The following SEMA5A variants were observed in gnomAD, a reference collection of about 807,000 sequenced individuals.
SEMA5A encodes semaphorin-5A.
Under a neutral mutation model 135.5 loss-of-function variants are expected in SEMA5A, and 55 were observed. That is an observed-to-expected ratio of 0.41 (90% confidence interval 0.33 to 0.51). The LOEUF is 0.51. Ranked by LOEUF, SEMA5A falls within the 20% of genes least tolerant of loss-of-function variation. The probability of loss-of-function intolerance (pLI) is 0.37; values close to 1 mark genes in which losing one functional copy is unlikely to be tolerated. For missense variants in SEMA5A, 1,290 were observed against 1,419.9 expected (o/e 0.91, Z 1.47); for synonymous variants, 580 against 546.5 (o/e 1.06, Z -0.85).
In SEMA5A at chr5:9,439,667, C is replaced by T. The variant is rs112462067; in HGVS notation, c.-174-1815G>A. Among the ~76,000 whole-genome samples the T allele has an allele frequency of 6.3e-3, 963 of 152,288 alleles. 14 individuals are homozygous for T. The highest frequency in any genetic ancestry group is 0.021 in the African/African-American group (879 of 41,560). On this transcript the variant is annotated intron_variant, in intron 1 of 22. Coordinates refer to ENST00000382496, the MANE Select transcript of SEMA5A (RefSeq NM_003966.3). ...GAGACTGGGGCCAAAAAGATCATTGCAAGAATTCACAATCAGTAACACAAC... is the reference window on the plus strand; with the variant it reads ...GAGACTGGGGCCAAAAAGATCATTGTAAGAATTCACAATCAGTAACACAAC...
At chr5:9,274,341 G>C (rs1750143898) in intron 5 of SEMA5A, among the ~76,000 whole-genome samples, 3 of 152,206 alleles carry the variant, frequency 2.0e-5, no homozygotes, top group South Asian at 4.1e-4. Flanking sequence ...CATAAAGCAA[G>C]TTCTTAGAGA....
intron 1 of SEMA5A, chr5:9,522,906 A>T (rs910862310): frequency 3.3e-5 from 5 of 152,180 alleles, no homozygotes; most frequent in African/African-American, 1.2e-4. Flanking sequence ...GCTCTTCATA[A>T]TGTTATTAAA....
chr5:9,426,860 G>C (rs1757679966), intron 2 of SEMA5A, among the ~76,000 whole-genome samples: 2 of 152,142 alleles, frequency 1.3e-5, no homozygotes, highest in Non-Finnish European at 2.9e-5. Flanking sequence ...ATTATAATCA[G>C]AGAACTGAGT....
chr5:9,510,531 A>T (rs1009482281), intron 1 of SEMA5A, among the ~76,000 whole-genome samples: 1 of 152,190 alleles, frequency 6.6e-6, no homozygotes, highest in Non-Finnish European at 1.5e-5. Flanking sequence ...GATATTTTAC[A>T]TTGTACTTTT....
intron 3 of SEMA5A, 110 bp from the exon 4 acceptor site, chr5:9,337,922 G>A: frequency 5.5e-6 from 4 of 723,216 alleles, no homozygotes; most frequent in South Asian, 4.1e-5. Flanking sequence ...AGAGGATTCG[G>A]AGGTCCCTCT....
At chr5:9,220,557 CA>C (rs927020044) in intron 8 of SEMA5A, among the ~76,000 whole-genome samples, 23 of 151,716 alleles carry the variant, frequency 1.5e-4, no homozygotes, top group African/African-American at 5.3e-4. Context: ...AAAAAAACAA[CA>C]AAAAAAATTT....
intron 2 of SEMA5A, among the ~76,000 whole-genome samples, chr5:9,406,098 A>G (rs550707979): frequency 2.2e-4 from 33 of 152,342 alleles, no homozygotes; most frequent in Middle Eastern, 3.4e-3. Context: ...AATTTGTTAG[A>G]AGCAAAATAA....
At position 9,199,829 on chromosome 5, in the gene SEMA5A, T is replaced by C. The variant is rs1247044247; in HGVS notation, c.932+2126A>G. Among the ~76,000 whole-genome samples, 6 of 152,194 alleles carry C rather than the reference T, an allele frequency of 3.9e-5. No individual in the cohort carries two copies. In the East Asian group the frequency reaches 9.6e-4, roughly 24 times the overall value. Reference sequence around the variant, plus strand: ...CAAATCTTTAGAGACTCCATTGTAGTAGCACACCATTTTCTGCAGGCCAAC... The same window carrying C: ...CAAATCTTTAGAGACTCCATTGTAGCAGCACACCATTTTCTGCAGGCCAAC... On this transcript the variant is annotated intron_variant, in intron 9 of 22. Coordinates refer to ENST00000382496, the MANE Select transcript of SEMA5A (RefSeq NM_003966.3).
chr5:9,352,855 G>T (rs1433928189), intron 3 of SEMA5A, among the ~76,000 whole-genome samples: 1 of 152,016 alleles, frequency 6.6e-6, no homozygotes, highest in Admixed American at 6.6e-5. Context: ...TGCTACACTG[G>T]CAGAGTTGAG....
At chr5:9,102,998 CCT>C (rs1381710106) in intron 16 of SEMA5A, among the ~76,000 whole-genome samples, 5 of 152,086 alleles carry the variant, frequency 3.3e-5, no homozygotes, top group African/African-American at 1.2e-4. Flanking sequence ...ACAAAATATA[CCT>C]GTTTGGGGCT....
chr5:9,066,597 G>A lies in SEMA5A; in HGVS notation c.2123C>T (p.Thr708Met), dbSNP rs769656325. 3 of 1,614,162 alleles carry A rather than the reference G, an allele frequency of 1.9e-6. No homozygotes were observed. The highest frequency in any genetic ancestry group is 1.6e-4 in the Middle Eastern group (1 of 6,062). ...TNPCPELKKT[T>M]PWTPWTPVNI... ...GACAGGTGTCCAGGGTGTCCAGGGC[G>A]TGGTCTTCTTCAGCTCAGGACACGG... Residue 708 changes from threonine (T) to methionine (M), a missense_variant, in exon 17 of 23, where the codon ACG (threonine) becomes ATG (methionine). Physicochemically the swap from Thr to Met is moderately conservative, Grantham distance 81 (BLOSUM62 -1). Coordinates refer to ENST00000382496, the MANE Select transcript of SEMA5A (RefSeq NM_003966.3).
At position 9,471,663 on chromosome 5, in the gene SEMA5A, C is replaced by T. The variant is rs943892473; in HGVS notation, c.-174-33811G>A. Among the ~76,000 whole-genome samples, 3 of 152,164 alleles carry T rather than the reference C, an allele frequency of 2.0e-5. No individual in the cohort carries two copies. The East Asian group carries it at 5.8e-4, about 29-fold the overall frequency. On this transcript the variant is annotated intron_variant, in intron 1 of 22. Transcript: ENST00000382496. ...GTTTTTAAATATCCAAACTATGCAT[C>T]CTAAATAAGTTTATAAGTCAATGTT...
intron 17 of SEMA5A, among the ~76,000 whole-genome samples, chr5:9,066,166 G>GCTTT (rs1737451508): frequency 1.3e-5 from 2 of 152,126 alleles, no homozygotes; most frequent in African/African-American, 2.4e-5. Context: ...AAATGATTCT[G>GCTTT]GGTCTATAAT....
At chr5:9,522,882 C>T (rs956798240) in intron 1 of SEMA5A, 1 of 152,176 alleles carries the variant, frequency 6.6e-6, no homozygotes, top group African/African-American at 2.4e-5. Context: ...ATAGACGTGG[C>T]TTCCCTTCTC....
intron 1 of SEMA5A, among the ~76,000 whole-genome samples, chr5:9,524,587 C>T (rs1324474017): frequency 6.6e-6 from 1 of 152,176 alleles, no homozygotes; most frequent in East Asian, 1.9e-4. Flanking sequence ...GACTTCTGGC[C>T]TCCAGAACTT....
At chr5:9,476,003 T>C (rs757989934) in intron 1 of SEMA5A, among the ~76,000 whole-genome samples, 2 of 152,232 alleles carry the variant, frequency 1.3e-5, no homozygotes, top group Non-Finnish European at 2.9e-5. Flanking sequence ...CAAAAATACC[T>C]ATGCAAGGAG....
intron 1 of SEMA5A, among the ~76,000 whole-genome samples, chr5:9,446,263 A>G (rs940689988): frequency 1.3e-5 from 2 of 152,086 alleles, no homozygotes; most frequent in Non-Finnish European, 2.9e-5. Context: ...CTATTTCATT[A>G]CTCTCACATG....
intron 4 of SEMA5A, among the ~76,000 whole-genome samples, chr5:9,331,940 C>T (rs1402383518): frequency 6.6e-6 from 1 of 152,206 alleles, no homozygotes; most frequent in Non-Finnish European, 1.5e-5. Context: ...ATTTGTTGCA[C>T]ATACATTTAT....
intron 1 of SEMA5A, among the ~76,000 whole-genome samples, chr5:9,452,380 C>A (rs1420063886): frequency 6.6e-6 from 1 of 152,198 alleles, no homozygotes; most frequent in Non-Finnish European, 1.5e-5. Context: ...GCTGCCCTAG[C>A]CCTGTCAACA....
Sources: allele counts gnomAD v4.1 joint callset (sites outside exome capture counted in the v4.1 genomes callset), GRCh38; gene constraint gnomAD v4.1.1; transcripts MANE v1.5; gene names NCBI Gene and HGNC (gene_info 2026-07-23, HGNC 2026-07-21).